The following GCH1 variants were observed in gnomAD, a reference collection of about 807,000 sequenced individuals.
GCH1 encodes GTP cyclohydrolase 1.
A neutral mutation model predicts 25.9 loss-of-function variants in GCH1; 5 were observed. That is an observed-to-expected ratio of 0.19 (90% CI 0.10 to 0.41). The LOEUF is 0.41. Ranked by LOEUF, GCH1 falls within the 10% of genes least tolerant of loss-of-function variation. The pLI is 1.00. For missense variants in GCH1, 261 were observed against 336.5 expected, an observed-to-expected ratio of 0.78 and a Z score of 1.75; for synonymous variants, 159 against 129.6, an observed-to-expected ratio of 1.23 and a Z score of -1.54.
chr14:54,873,317 C>A (rs2040108906), intron 1 of GCH1, among the ~76,000 whole-genome samples: 1 of 152,124 alleles, frequency 6.6e-6, no homozygotes, highest in African/African-American at 2.4e-5. Flanking sequence ...ACACAACATA[C>A]CAGACTCTCT....
At position 54,902,570 on chromosome 14, in the gene GCH1, G is replaced by A. The variant is rs1456164846; in HGVS notation, c.94C>T (p.Pro32Ser). 3.3e-6 allele frequency: 5 copies of A among 1,496,506 alleles called. No individual in the cohort carries two copies. The highest frequency in any genetic ancestry group is 4.4e-6 in the Non-Finnish European group (5 of 1,125,540). 92.7% of individuals were successfully genotyped at this position (1,496,506 alleles called of 1,614,324 possible). ...GGGGGCTTCTCCGCCGGCCTGCTGG[G>A]CCCGGGCCGCGGCGGATCCCGCTCG... ...FPERDPPRPG[P>S]SRPAEKPPRP... Residue 32 changes from proline (P) to serine (S), a missense_variant, in exon 1 of 6, where the codon CCC becomes TCC. Transcript: ENST00000491895.
At chr14:54,865,487 G>T in intron 1 of GCH1, 51 bp from the exon 2 acceptor site, 1 of 852,658 alleles carries the variant, frequency 1.2e-6, no homozygotes, top group South Asian at 1.4e-5. Flanking sequence ...TAGAAAGGTA[G>T]AATTATGGAT....
At position 54,843,275 on chromosome 14, in the gene GCH1, A is replaced by G; in HGVS notation, c.*742T>C. 1 of 1,388,654 alleles carries G rather than the reference A, an allele frequency of 7.2e-7. No homozygotes were observed. Among genetic ancestry groups the G allele is most frequent in the South Asian group, 1.8e-5 (1 of 54,580 alleles). 86.0% of individuals were successfully genotyped at this position (1,388,654 alleles called of 1,614,324 possible). ...CTTTTTTAAAAAGGCAAAAGTATCT[A>G]CACTCTAAATGATATTCTTATCAAG... is the stretch of plus-strand genomic sequence containing the variant. On this transcript the variant is annotated 3_prime_UTR_variant, in exon 6 of 6. Coordinates refer to ENST00000491895, the MANE Select transcript of GCH1 (RefSeq NM_000161.3).
At chr14:54,900,194 CA>C (rs2040543816) in intron 1 of GCH1, among the ~76,000 whole-genome samples, 2 of 149,502 alleles carry the variant, frequency 1.3e-5, no homozygotes, top group Admixed American at 1.3e-4. Flanking sequence ...AAAACTTGAC[CA>C]GAACAGTTTT....
At chr14:54,880,520 T>TATATATATATATACTCC (rs1566676860) in intron 1 of GCH1, among the ~76,000 whole-genome samples, 1 of 32,182 alleles carries the variant, frequency 3.1e-5, no homozygotes, top group African/African-American at 2.1e-4. Context: ...ATATACTCCA[T>TATATATATATATACTCC]ATATATATAT....
At chr14:54,875,940 G>A (rs1283815926) in intron 1 of GCH1, among the ~76,000 whole-genome samples, 4 of 152,160 alleles carry the variant, frequency 2.6e-5, no homozygotes, top group African/African-American at 4.8e-5. Context: ...TCAGTGTGGC[G>A]ATTCCTCAGG....
At chr14:54,890,264 G>A (rs376637960) in intron 1 of GCH1, among the ~76,000 whole-genome samples, 100 of 152,326 alleles carry the variant, frequency 6.6e-4, no homozygotes, top group African/African-American at 2.0e-3. Flanking sequence ...TTGGGAGGCC[G>A]AGGTGGGCGG....
chr14:54,892,443 C>T (rs1028090706), intron 1 of GCH1, among the ~76,000 whole-genome samples: 8 of 152,358 alleles, frequency 5.3e-5, no homozygotes, highest in African/African-American at 1.9e-4. Flanking sequence ...AATCCCAACA[C>T]TTTGGGAGGC....
In GCH1 at chr14:54,845,820, C is replaced by T. The variant is rs1594970151; in HGVS notation, c.574G>A (p.Ala192Thr). 6.2e-7 allele frequency: 1 copy of T among 1,610,988 alleles called. No individual in the cohort carries two copies. Among genetic ancestry groups the T allele is most frequent in the Non-Finnish European group, 8.5e-7 (1 of 1,177,078 alleles). ...GCAGGCCGCAAGGCTTCCGTGATTG[C>T]TACAGCAATTTGTTTTGTAAGGCGC... The part of the protein sequence containing the change: ...QERLTKQIAV[A>T]ITEALRPAGV... The change falls in exon 5 of 6, where the codon GCA becomes ACA. Residue 192 changes from alanine to threonine, a missense_variant. Transcript: ENST00000491895.
chr14:54,900,691 T>A (rs1358800370), intron 1 of GCH1, among the ~76,000 whole-genome samples: 4 of 152,126 alleles, frequency 2.6e-5, no homozygotes, highest in African/African-American at 9.7e-5. Flanking sequence ...GGTAATTAGA[T>A]CCATGCTAGA....
intron 1 of GCH1, among the ~76,000 whole-genome samples, chr14:54,884,267 T>G (rs1484477749): frequency 6.6e-6 from 1 of 152,098 alleles, no homozygotes; most frequent in East Asian, 1.9e-4. Flanking sequence ...TATTGAAGAT[T>G]AAAATTTTAC....
intron 1 of GCH1, among the ~76,000 whole-genome samples, chr14:54,900,260 A>T (rs2040544965): frequency 6.6e-6 from 1 of 151,264 alleles, no homozygotes; most frequent in Non-Finnish European, 1.5e-5. Context: ...TCCAGGCTGG[A>T]GTGCAGTGGT....
At chr14:54,851,905 T>G (rs1396416838) in intron 3 of GCH1, among the ~76,000 whole-genome samples, 1 of 152,230 alleles carries the variant, frequency 6.6e-6, no homozygotes, top group Non-Finnish European at 1.5e-5. Flanking sequence ...ATCATGCTGC[T>G]ATAAAGACAC....
chr14:54,856,872 A>T (rs1442829051), intron 3 of GCH1, among the ~76,000 whole-genome samples: 2 of 152,216 alleles, frequency 1.3e-5, no homozygotes, highest in Non-Finnish European at 2.9e-5. Flanking sequence ...GAGCCAGATC[A>T]ACTCACTTCT....
chr14:54,886,379 G>A (rs1307486751), intron 1 of GCH1, among the ~76,000 whole-genome samples: 8 of 152,156 alleles, frequency 5.3e-5, no homozygotes, highest in African/African-American at 1.7e-4. Context: ...TTGGGAGGCC[G>A]AGGCCGGTGG....
intron 3 of GCH1, 123 bp downstream of exon 3, chr14:54,859,558 G>A: frequency 2.7e-6 from 2 of 739,038 alleles, no homozygotes. Flanking sequence ...TCTTTAAGTT[G>A]CAATATGACT....
chr14:54,865,734 A>G (rs1418015171), intron 1 of GCH1, among the ~76,000 whole-genome samples: 1 of 152,184 alleles, frequency 6.6e-6, no homozygotes, highest in African/African-American at 2.4e-5. Context: ...AAAATAAAAC[A>G]GTGGCTATTT....
At chr14:54,844,219 A>C in intron 5 of GCH1, 76 bp from the exon 6 acceptor site, 1 of 921,784 alleles carries the variant, frequency 1.1e-6, no homozygotes, top group Non-Finnish European at 1.8e-6. Flanking sequence ...AGGCCTAAAG[A>C]TTAAATCTCA....
intron 2 of GCH1, among the ~76,000 whole-genome samples, chr14:54,860,820 T>C (rs1481022145): frequency 2.6e-5 from 4 of 152,170 alleles, no homozygotes; most frequent in African/African-American, 9.7e-5. Context: ...ATTACAGGCG[T>C]GAGCCACCAC....
Sources: allele counts gnomAD v4.1 joint callset (sites outside exome capture counted in the v4.1 genomes callset), GRCh38; gene constraint gnomAD v4.1.1; transcripts MANE v1.5; gene names NCBI Gene and HGNC (gene_info 2026-07-23, HGNC 2026-07-21).